The following RELL1 variants were observed in gnomAD, a reference collection of about 807,000 sequenced individuals.
The protein encoded by RELL1 is RELT-like protein 1.
Under a neutral mutation model 23.0 loss-of-function variants are expected in RELL1, and 10 were observed. That is an observed-to-expected ratio of 0.43 (90% CI 0.27 to 0.74). RELL1 has a LOEUF of 0.74. RELL1 is among the 30% of genes least tolerant of loss of function. The probability of loss-of-function intolerance (pLI) is 0.19; values close to 1 mark genes in which losing one functional copy is unlikely to be tolerated. For synonymous variants in RELL1, 146 were observed against 146.8 expected, an observed-to-expected ratio of 0.99 and a Z score of 0.04; for missense variants, 315 against 364.4, an observed-to-expected ratio of 0.86 and a Z score of 1.10.
chr4:37,588,782 CAAACTT>C (rs954686355), downstream of RELL1: 32 of 1,236,174 alleles, frequency 2.6e-5, no homozygotes, highest in Middle Eastern at 3.8e-4. Context: ...AAAAAAAAGG[CAAACTT>C]AATTCCTACT....
In RELL1 at chr4:37,611,470, A is replaced by AAATC. The variant is rs1719374249; in HGVS notation, c.*1872_*1875dup. On this transcript the variant is annotated 3_prime_UTR_variant, in exon 7 of 7. Coordinates refer to ENST00000454158, the MANE Select transcript of RELL1 (RefSeq NM_001085400.2). ...AATGTTTAGTTTGATGCTGGAAATA[A>AAATC]AATCATTGAAGTCTATGTACAGTAA... 6.6e-6 allele frequency among the ~76,000 whole-genome samples: 1 copy of AAATC among 152,230 alleles called. No homozygotes were observed.
chr4:37,642,713 T>C (rs1444584902), intron 3 of RELL1, among the ~76,000 whole-genome samples: 1 of 152,196 alleles, frequency 6.6e-6, no homozygotes, highest in Non-Finnish European at 1.5e-5. Context: ...CCAGTCATCA[T>C]TAAGACCAAG....
intron 1 of RELL1, among the ~76,000 whole-genome samples, chr4:37,662,697 G>A (rs6833920): frequency 0.19 from 29,175 of 151,882 alleles, 2,964 homozygotes; most frequent in African/African-American, 0.21. Context: ...ACACTGTCTC[G>A]GGTTTACCAT....
At chr4:37,631,271 C>A in intron 6 of RELL1, 114 bp downstream of exon 6, 1 of 1,189,300 alleles carries the variant, frequency 8.4e-7, no homozygotes, top group South Asian at 1.6e-5. Context: ...GGAAAGCTCT[C>A]CCACTTCCCT....
At chr4:37,616,095 G>A (rs1488885846) in intron 6 of RELL1, among the ~76,000 whole-genome samples, 1 of 152,162 alleles carries the variant, frequency 6.6e-6, no homozygotes, top group Non-Finnish European at 1.5e-5. Flanking sequence ...TGTTAAGGAA[G>A]AAAAAGTCTA....
downstream of RELL1, chr4:37,590,773 G>A (rs1345245314): frequency 6.2e-7 from 1 of 1,613,972 alleles, no homozygotes; most frequent in Non-Finnish European, 8.5e-7. Context: ...GAGAAGCTGG[G>A]ATTCATTGAA....
At chr4:37,641,649 A>C (rs983271290) in intron 3 of RELL1, among the ~76,000 whole-genome samples, 3 of 152,166 alleles carry the variant, frequency 2.0e-5, no homozygotes, top group Non-Finnish European at 2.9e-5. Flanking sequence ...AATGGGTGAC[A>C]TTTTCCAGAA....
rs186898764 is a variant in RELL1, at chr4:37,632,563, G to A, written c.681-1040C>T. ...ACCAGAATGTTTACCAGAAGATGACGAACTTCCGAAAATATGCAACTGTCA... is the reference window on the plus strand; with the variant it reads ...ACCAGAATGTTTACCAGAAGATGACAAACTTCCGAAAATATGCAACTGTCA... On this transcript the variant is annotated intron_variant, in intron 5 of 6. Coordinates refer to ENST00000454158, the MANE Select transcript of RELL1 (RefSeq NM_001085400.2). 1.5e-4 allele frequency among the ~76,000 whole-genome samples: 23 copies of A among 152,168 alleles called. No homozygotes were observed. The East Asian group carries it at 3.5e-3, about 23-fold the overall frequency.
At chr4:37,654,426 A>T (rs528893218) in intron 1 of RELL1, among the ~76,000 whole-genome samples, 3 of 152,356 alleles carry the variant, frequency 2.0e-5, no homozygotes, top group Admixed American at 6.5e-5. Flanking sequence ...TGGAGAATAT[A>T]TTGTGATCTA....
intron 6 of RELL1, among the ~76,000 whole-genome samples, chr4:37,596,736 A>ATATATATT (rs1365185216): frequency 1.2e-4 from 2 of 16,508 alleles, no homozygotes; most frequent in Non-Finnish European, 1.5e-4. Context: ...ATATATATAT[A>ATATATATT]TTTTTTTTTT....
At chr4:37,669,449 G>A (rs1560357187) in intron 1 of RELL1, among the ~76,000 whole-genome samples, 1 of 151,504 alleles carries the variant, frequency 6.6e-6, no homozygotes, top group Non-Finnish European at 1.5e-5. Context: ...CCCCGTCCGG[G>A]AGGTGAGGGG....
chr4:37,593,945 G>C (rs1362547453), intron 6 of RELL1, among the ~76,000 whole-genome samples: 1 of 152,142 alleles, frequency 6.6e-6, no homozygotes, highest in Non-Finnish European at 1.5e-5. Context: ...AGGTATCAGG[G>C]CAGACAAGTC....
rs755691718 is a variant in RELL1, at chr4:37,631,445, G to A, written c.759C>T (p.Thr253=). 49 of 1,613,916 alleles carry A rather than the reference G, an allele frequency of 3.0e-5. No homozygotes were observed. Among genetic ancestry groups the A allele is most frequent in the African/African-American group, 5.3e-5 (4 of 74,888 alleles). ...RSLMSVSGAE[T]VNGEVPATPV... ...GTGTTGCCGGCACCTCCCCATTGAC[G>A]GTTTCAGCCCCACTAACAGACATCA... is the stretch of plus-strand genomic sequence containing the variant. The change falls in exon 6 of 7, where the codon ACC becomes ACT. Residue 253 remains threonine (T), a synonymous_variant. Transcript: ENST00000454158.
At position 37,686,346 on chromosome 4, in the gene RELL1, A is replaced by T; in HGVS notation, c.-59T>A. 2 of 1,335,928 alleles carry T rather than the reference A, an allele frequency of 1.5e-6. No individual in the cohort carries two copies. Among genetic ancestry groups the T allele is most frequent in the South Asian group, 3.0e-5 (2 of 66,868 alleles). The allele number at this position is 1,335,928 out of a possible 1,614,324, so 82.8% of individuals were successfully genotyped here. A position where few individuals can be genotyped will look rare whatever the true frequency, so the allele number is the denominator to read the frequency against. The stretch of plus-strand genomic sequence containing the variant: ...CCGCGTCCCGCGCTCGGGAAGGCAG[A>T]GCCGCTCCGGAGCCGGCGGGCTGAT... On this transcript the variant is annotated 5_prime_UTR_variant, in exon 1 of 7. Coordinates refer to ENST00000454158, the MANE Select transcript of RELL1 (RefSeq NM_001085400.2).
chr4:37,624,262 T>G (rs987133994), intron 6 of RELL1, among the ~76,000 whole-genome samples: 3 of 152,274 alleles, frequency 2.0e-5, no homozygotes, highest in Admixed American at 6.5e-5. Flanking sequence ...GGCACAGCAG[T>G]CACGCTTAGG....
intron 1 of RELL1, among the ~76,000 whole-genome samples, chr4:37,671,006 T>G (rs1721816904): frequency 6.6e-6 from 1 of 152,250 alleles, no homozygotes; most frequent in African/African-American, 2.4e-5. Flanking sequence ...AAGACTTGTC[T>G]GTTCCATTTT....
intron 1 of RELL1, among the ~76,000 whole-genome samples, chr4:37,666,676 G>C (rs572497207): frequency 6.6e-6 from 1 of 152,158 alleles, no homozygotes; most frequent in Non-Finnish European, 1.5e-5. Context: ...TAAATGTGGG[G>C]TGCAGAAAAG....
chr4:37,647,493 G>A, intron 2 of RELL1, 54 bp from the exon 3 acceptor site: 1 of 1,251,890 alleles, frequency 8.0e-7, no homozygotes. Context: ...CCAGCATCAA[G>A]TCAATCAATC....
intron 1 of RELL1, among the ~76,000 whole-genome samples, chr4:37,678,777 G>A (rs1722106568): frequency 6.6e-6 from 1 of 152,226 alleles, no homozygotes; most frequent in South Asian, 2.1e-4. Flanking sequence ...ATGCTATGAG[G>A]CAGCTCAGCC....
Sources: gnomAD v4.1 joint callset for allele counts (sites outside exome capture counted in the v4.1 genomes callset) on GRCh38, gnomAD v4.1.1 for gene constraint, MANE v1.5 for transcripts, NCBI Gene and HGNC (gene_info 2026-07-23, HGNC 2026-07-21) for gene names.